The following HK1 variants were observed in gnomAD, a reference collection of about 807,000 sequenced individuals.
The protein encoded by HK1 is hexokinase 1, also known as hexokinase-1.
HK1 carries 28 observed loss-of-function variants against 91.6 expected under a neutral mutation model. That is an observed-to-expected ratio of 0.31 (90% CI 0.23 to 0.42). The LOEUF (loss-of-function observed/expected upper bound fraction) is 0.42. Among genes scored for constraint, HK1 ranks in the 10% least tolerant of loss-of-function variants. HK1 has a pLI of 1.00. For missense variants in HK1, 770 were observed against 1,219.8 expected (o/e 0.63, Z 5.49); for synonymous variants, 430 against 468.1 (o/e 0.92, Z 1.05).
At chr10:69,311,265 C>T (rs954102520), upstream of HK1, among the ~76,000 whole-genome samples, 4 of 152,148 alleles carry the variant, frequency 2.6e-5, no homozygotes, top group African/African-American at 9.7e-5. Flanking sequence ...TGTCTGACAC[C>T]CCCATTCCAT....
At chr10:69,345,811 C>T (rs1373316959) in intron 2 of HK1, among the ~76,000 whole-genome samples, 2 of 152,164 alleles carry the variant, frequency 1.3e-5, no homozygotes. Context: ...AAGGTGTGAT[C>T]CAAGTGCAGT....
upstream of HK1, among the ~76,000 whole-genome samples, chr10:69,314,204 T>A (rs959884999): frequency 6.6e-6 from 1 of 152,236 alleles, no homozygotes; most frequent in Admixed American, 6.5e-5. Context: ...ATTTTAGACA[T>A]TTCTTCCAGA....
At chr10:69,357,686 C>T (rs566581774) in intron 2 of HK1, among the ~76,000 whole-genome samples, 1 of 152,214 alleles carries the variant, frequency 6.6e-6, no homozygotes, top group Non-Finnish European at 1.5e-5. Context: ...CTCCTGAGCT[C>T]AAGCGATCCA....
rs199722983 is a variant in HK1 at position 69,360,065 on chromosome 10, G to A, written c.375+20G>A. On this transcript the variant is annotated intron_variant, in intron 3 of 17. Transcript: ENST00000359426. ...AGCCAGGTGGGTCCCTGCTCCCTCC[G>A]GGTCACCCCGTCGGGCCAGCATCCC... 150 of 1,612,574 alleles carry A rather than the reference G, an allele frequency of 9.3e-5. No individual in the cohort carries two copies. Among genetic ancestry groups the A allele is most frequent in the South Asian group, 9.9e-5 (9 of 91,036 alleles).
chr10:69,341,656 T>C (rs1395523846), intron 1 of HK1, among the ~76,000 whole-genome samples: 2 of 151,698 alleles, frequency 1.3e-5, no homozygotes, highest in Non-Finnish European at 2.9e-5. Flanking sequence ...AGAGACAGGG[T>C]TGTTGCCCAG....
chr10:69,343,563 A>G (rs906150195), intron 1 of HK1, among the ~76,000 whole-genome samples: 1 of 152,154 alleles, frequency 6.6e-6, no homozygotes, highest in African/African-American at 2.4e-5. Flanking sequence ...GGGGTTGAAG[A>G]GCAGCTTCCA....
In HK1 at chr10:69,377,057, G is replaced by A. The variant is rs2132855483; in HGVS notation, c.999G>A (p.Lys333=). Residue 333 remains lysine (K), a synonymous_variant, in exon 8 of 18, where the codon AAG becomes AAA. Transcript: ENST00000359426. The part of the protein sequence containing the change: ...RITPELLTRG[K]FNTSDVSAIE... ...CCCCGGAGCTGCTCACCCGAGGGAA[G>A]TTTAACACCAGTGATGTGTCAGCCA... The A allele has an allele frequency of 1.2e-6, 2 of 1,614,204 alleles. No homozygotes were observed. Among genetic ancestry groups the A allele is most frequent in the Non-Finnish European group, 1.7e-6 (2 of 1,180,032 alleles).
chr10:69,381,412 G>A (rs1004577394), intron 9 of HK1, among the ~76,000 whole-genome samples: 1 of 152,052 alleles, frequency 6.6e-6, no homozygotes, highest in Non-Finnish European at 1.5e-5. Context: ...ACTTTTATTA[G>A]CCATTTCTTT....
intron 2 of HK1, among the ~76,000 whole-genome samples, chr10:69,359,160 T>C (rs968731721): frequency 2.0e-5 from 3 of 152,206 alleles, no homozygotes; most frequent in African/African-American, 7.2e-5. Context: ...GTGATTCTTC[T>C]TGTATGAAAT....
At chr10:69,330,161 T>A (rs1847632011) in intron 1 of HK1, among the ~76,000 whole-genome samples, 1 of 152,176 alleles carries the variant, frequency 6.6e-6, no homozygotes, top group South Asian at 2.1e-4. Flanking sequence ...TCAGCCATGT[T>A]ATTCACCCAG....
At chr10:69,378,437 G>A (rs927257989) in intron 8 of HK1, among the ~76,000 whole-genome samples, 10 of 152,142 alleles carry the variant, frequency 6.6e-5, no homozygotes, top group East Asian at 1.9e-4. Context: ...GTGGGTTTTC[G>A]TTTTTGTTTT....
intron 2 of HK1, among the ~76,000 whole-genome samples, chr10:69,352,775 A>G (rs11819725): frequency 0.04 from 6,065 of 152,256 alleles, 190 homozygotes; most frequent in South Asian, 0.084. Flanking sequence ...TGGGATGATG[A>G]AAATTTTCTA....
chr10:69,303,021 C>G lies in HK1; in HGVS notation c.27+2160C>G, dbSNP rs186137084. 5.7e-3 allele frequency among the ~76,000 whole-genome samples: 866 copies of G among 152,286 alleles called. 25 individuals are homozygous for G. Among genetic ancestry groups the G allele is most frequent in the Admixed American group, 0.051 (784 of 15,284 alleles). On this transcript the variant is annotated intron_variant, in intron 5 of 21. Coordinates refer to the HK1 transcript ENST00000360289. ...CTCAAATGCCGCATCTTCAGAGGTCCTTCCCTGTCCATCCTGACTAAAATG... is the reference window on the plus strand; with the variant it reads ...CTCAAATGCCGCATCTTCAGAGGTCGTTCCCTGTCCATCCTGACTAAAATG...
chr10:69,307,908 G>A (rs1368277603), intron 5 of HK1, among the ~76,000 whole-genome samples: 2 of 151,788 alleles, frequency 1.3e-5, no homozygotes, highest in Admixed American at 6.6e-5. Flanking sequence ...GCACGATCTC[G>A]GCTCATGGCA....
intron 1 of HK1, among the ~76,000 whole-genome samples, chr10:69,279,334 T>G (rs1312318913): frequency 6.6e-6 from 1 of 152,212 alleles, no homozygotes; most frequent in Non-Finnish European, 1.5e-5. Flanking sequence ...GAAGCTGCTC[T>G]TTTGTACTCT....
At chr10:69,294,275 T>C (rs1845444046) in intron 3 of HK1, among the ~76,000 whole-genome samples, 1 of 152,214 alleles carries the variant, frequency 6.6e-6, no homozygotes, top group Non-Finnish European at 1.5e-5. Context: ...TGTAAAAGCA[T>C]GGGTATAGGG....
Position 69,381,629 on chromosome 10 carries a change from C to T in HK1, c.1266-858C>T, listed in dbSNP as rs545923025. 4.0e-5 allele frequency among the ~76,000 whole-genome samples: 6 copies of T among 150,540 alleles called. No individual in the cohort carries two copies. In the South Asian group the frequency reaches 1.0e-3, roughly 26 times the overall value. ...AGCGGAGTGGTGTGCTCTCAGCTCA[C>T]TGCAACCTCTGCCTCCCAGGTTCCA... On this transcript the variant is annotated intron_variant, in intron 9 of 17. Transcript: ENST00000359426.
chr10:69,272,654 G>GT (rs10716029), intron 1 of HK1, among the ~76,000 whole-genome samples: 1 of 146,878 alleles, frequency 6.8e-6, no homozygotes, highest in African/African-American at 2.5e-5. Flanking sequence ...TTTTCTGCAA[G>GT]TTTTTTTTTT....
chr10:69,298,135 C>T (rs755907736), intron 4 of HK1, among the ~76,000 whole-genome samples: 9 of 147,788 alleles, frequency 6.1e-5, no homozygotes, highest in Non-Finnish European at 1.2e-4. Context: ...TGCTTGAACC[C>T]AGGAGGCGGA....
Sources: gnomAD v4.1 joint callset for allele counts (sites outside exome capture counted in the v4.1 genomes callset) on GRCh38, gnomAD v4.1.1 for gene constraint, MANE v1.5 for transcripts, NCBI Gene and HGNC (gene_info 2026-07-23, HGNC 2026-07-21) for gene names.